Variants in TFRC observed in about 807,000 individuals in gnomAD.
TFRC encodes the protein transferrin receptor.
Under a neutral mutation model 85.8 loss-of-function variants are expected in TFRC, and 35 were observed. That is an observed-to-expected ratio of 0.41 (90% confidence interval 0.31 to 0.54). TFRC has a LOEUF of 0.54. TFRC is among the 20% of genes least tolerant of loss of function. TFRC has a pLI of 0.31. For synonymous variants in TFRC, 362 were observed against 328.6 expected, an observed-to-expected ratio of 1.10 and a Z score of -1.10; for missense variants, 828 against 921.5, an observed-to-expected ratio of 0.90 and a Z score of 1.31.
chr3:196,064,439 GA>G lies in TFRC; in HGVS notation c.1199-12del. The G allele has an allele frequency of 6.4e-7, 1 of 1,568,140 alleles. No individual in the cohort carries two copies. Among genetic ancestry groups the G allele is most frequent in the Non-Finnish European group, 8.6e-7 (1 of 1,165,964 alleles). ...CTACAACATAGTGATCTTTAAAAAA[GA>G]AAAAAGAGGAAGAAAGAACTTATAT... On this transcript the variant is annotated splice_polypyrimidine_tract_variant and intron_variant, in intron 10 of 18. Coordinates refer to ENST00000360110, the MANE Select transcript of TFRC (RefSeq NM_001128148.3).
chr3:196,055,200 G>A lies in TFRC; in HGVS notation c.1779C>T (p.Val593=), dbSNP rs765967825. 2.7e-5 allele frequency: 44 copies of A among 1,614,154 alleles called. No homozygotes were observed. In the Admixed American group the frequency reaches 6.8e-4, roughly 25 times the overall value. ...LNKVARAAAE[V]AGQFVIKLTH... is the part of the protein sequence containing the mutation. ...TTAGTTTAATCACGAACTGACCAGCGACCTCTGCAGCTGCTCGTGCCACTT... is the reference window on the plus strand; with the variant it reads ...TTAGTTTAATCACGAACTGACCAGCAACCTCTGCAGCTGCTCGTGCCACTT... The change falls in exon 17 of 19, where the codon GTC becomes GTT. Residue 593 remains valine, a synonymous_variant. Coordinates refer to ENST00000360110, the MANE Select transcript of TFRC (RefSeq NM_001128148.3).
In TFRC at chr3:196,081,327, G is replaced by A. The variant is rs1459229800; in HGVS notation, c.-24+716C>T. On this transcript the variant is annotated intron_variant, in intron 1 of 18. Coordinates refer to ENST00000360110, the MANE Select transcript of TFRC (RefSeq NM_001128148.3). ...ACAGAATCCACACACAAGGCGAACAGGCAGAGCATGGCAAGATCAGGTTGT... is the reference window on the plus strand; with the variant it reads ...ACAGAATCCACACACAAGGCGAACAAGCAGAGCATGGCAAGATCAGGTTGT... Among the ~76,000 whole-genome samples the A allele has an allele frequency of 2.6e-5, 4 of 152,228 alleles. No homozygotes were observed. The East Asian group carries it at 5.8e-4, about 22-fold the overall frequency.
At chr3:196,071,571 G>C in intron 5 of TFRC, 73 bp from the exon 6 acceptor site, 3 of 1,405,762 alleles carry the variant, frequency 2.1e-6, no homozygotes, top group South Asian at 2.4e-5. Context: ...CATTTAGTAT[G>C]TCTTGCATTA....
At position 196,065,514 on chromosome 3, in the gene TFRC, G is replaced by C. The variant is rs760283092; in HGVS notation, c.1127C>G (p.Thr376Ser). The C allele has an allele frequency of 6.3e-7, 1 of 1,597,682 alleles. No individual in the cohort carries two copies. Among genetic ancestry groups the C allele is most frequent in the South Asian group, 1.1e-5 (1 of 90,750 alleles). ...VTSESKNVKLTVSNVLKEIKI... is the reference protein window; with the variant it reads ...VTSESKNVKLSVSNVLKEIKI... The stretch of plus-strand genomic sequence containing the variant: ...TATCTCTTTCAGCACATTGCTCACA[G>C]TGAGCTTCACATTCTTGCTTTCTGA... Residue 376 changes from threonine to serine, a missense_variant, in exon 10 of 19, where the codon ACT (threonine) becomes AGT (serine). Transcript: ENST00000360110.
At chr3:196,061,521 G>A (rs1264882881) in intron 13 of TFRC, among the ~76,000 whole-genome samples, 2 of 151,774 alleles carry the variant, frequency 1.3e-5, no homozygotes, top group African/African-American at 2.4e-5. Context: ...ATGGAGTCTC[G>A]CTCTGTCGCC....
In TFRC at chr3:196,067,669, A is replaced by C. The variant is rs183412409; in HGVS notation, c.901-12T>G. ...GTCCCCAGATGAGCCTAGGAAAACA[A>C]AAGAGCAATTCACTCCATCACATAC... is the stretch of plus-strand genomic sequence containing the variant. On this transcript the variant is annotated splice_polypyrimidine_tract_variant and intron_variant, in intron 8 of 18. Transcript: ENST00000360110. The C allele has an allele frequency of 3.9e-4, 627 of 1,612,390 alleles. 4 individuals are homozygous for C. In the African/African-American group the frequency reaches 7.5e-3, roughly 19 times the overall value.
chr3:196,081,683 G>C (rs1328718415), intron 1 of TFRC: 2 of 152,308 alleles, frequency 1.3e-5, no homozygotes, highest in South Asian at 2.1e-4. Flanking sequence ...CCGGGGCTGA[G>C]AGCGACAGTG....
chr3:196,074,562 T>C (rs1718494812), intron 3 of TFRC: 1 of 157,026 alleles, frequency 6.4e-6, no homozygotes. Context: ...AATCTACTCA[T>C]GATTGTCTTC....
chr3:196,052,148 T>C lies in TFRC; in HGVS notation c.2077A>G (p.Lys693Glu), dbSNP rs774793501. 12 of 1,614,056 alleles carry C rather than the reference T, an allele frequency of 7.4e-6. No homozygotes were observed. Among genetic ancestry groups the C allele is most frequent in the African/African-American group, 1.3e-5 (1 of 75,016 alleles). ...AAGACATGTCGGAAAGGAGACTCTT[T>C]TGGAGATACGTAGGGAGAGAGGAAG... is the stretch of plus-strand genomic sequence containing the variant. ...YHFLSPYVSPKESPFRHVFWG... is the reference protein window; with the variant it reads ...YHFLSPYVSPEESPFRHVFWG... Residue 693 changes from lysine (K) to glutamate (E), a missense_variant, in exon 19 of 19, where the codon AAA (lysine) becomes GAA (glutamate). Physicochemically the swap from Lys to Glu is moderately conservative, Grantham distance 56. Transcript: ENST00000360110.
At chr3:196,063,867 A>C (rs1251978378) in intron 11 of TFRC, among the ~76,000 whole-genome samples, 1 of 152,102 alleles carries the variant, frequency 6.6e-6, no homozygotes, top group African/African-American at 2.4e-5. Context: ...CAGTGAGCTA[A>C]GTGAGATCAC....
intron 9 of TFRC, among the ~76,000 whole-genome samples, chr3:196,066,232 A>C (rs1439519209): frequency 6.6e-6 from 1 of 152,220 alleles, no homozygotes; most frequent in Admixed American, 6.5e-5. Flanking sequence ...AAGAATATTA[A>C]TACACTTTTA....
chr3:196,053,349 G>T, intron 18 of TFRC, 69 bp downstream of exon 18: 1 of 1,557,554 alleles, frequency 6.4e-7, no homozygotes, highest in Non-Finnish European at 8.8e-7. Flanking sequence ...TGTCCACTTT[G>T]CAGAAGTGTA....
intron 13 of TFRC, among the ~76,000 whole-genome samples, chr3:196,061,733 G>A (rs1462277005): frequency 2.6e-5 from 4 of 152,082 alleles, no homozygotes; most frequent in Admixed American, 1.3e-4. Context: ...CAGGTGATCC[G>A]CCTGCCTTGG....
At chr3:196,053,631 C>T (rs762913541) in intron 17 of TFRC, 73 bp from the exon 18 acceptor site, 18 of 1,576,358 alleles carry the variant, frequency 1.1e-5, no homozygotes, top group South Asian at 4.5e-5. Flanking sequence ...TCTAATTTAA[C>T]GTGCGTTAAG....
intron 11 of TFRC, 28 bp from the exon 12 acceptor site, chr3:196,062,967 T>C (rs1194127693): frequency 1.3e-6 from 2 of 1,589,034 alleles, no homozygotes; most frequent in Non-Finnish European, 1.7e-6. Flanking sequence ...TAGCTTTACC[T>C]GAGGAAAGGT....
In TFRC at chr3:196,073,915, G is replaced by A; in HGVS notation, c.434+15C>T. ...AATTACTTGTCTAGATACTTGCACA[G>A]CAGCTGGCACTCACTTGATGGTGCC... On this transcript the variant is annotated intron_variant, in intron 4 of 18. Coordinates refer to ENST00000360110, the MANE Select transcript of TFRC (RefSeq NM_001128148.3). 6.2e-7 allele frequency: 1 copy of A among 1,605,960 alleles called. No homozygotes were observed. The highest frequency in any genetic ancestry group is 8.5e-7 in the Non-Finnish European group (1 of 1,175,004).
intron 13 of TFRC, 173 bp downstream of exon 13, chr3:196,062,409 T>C: frequency 1.6e-6 from 1 of 607,392 alleles, no homozygotes; most frequent in South Asian, 2.0e-5. Context: ...AGTGAGCACC[T>C]GTAATCCCAG....
intron 16 of TFRC, among the ~76,000 whole-genome samples, chr3:196,056,556 T>C (rs1005212606): frequency 6.6e-6 from 1 of 151,968 alleles, no homozygotes; most frequent in East Asian, 1.9e-4. Context: ...TGTGCCACCA[T>C]GCCCAGCTAA....
intron 16 of TFRC, chr3:196,055,556 T>C (rs1311772596): frequency 3.7e-6 from 2 of 537,566 alleles, no homozygotes; most frequent in Non-Finnish European, 6.7e-6. Context: ...TCGTATCATA[T>C]GCCCTGAATA....
Sources: gnomAD v4.1 joint callset for allele counts (sites outside exome capture counted in the v4.1 genomes callset) on GRCh38, gnomAD v4.1.1 for gene constraint, MANE v1.5 for transcripts, NCBI Gene and HGNC (gene_info 2026-07-23, HGNC 2026-07-21) for gene names.